Variants in WDR44 observed in about 807,000 individuals in gnomAD.
WDR44 encodes the protein WD repeat-containing protein 44.
A neutral mutation model predicts 65.7 loss-of-function variants in WDR44; 9 were observed. The ratio of observed to expected loss-of-function variants is 0.14; its 90% CI spans 0.08 to 0.24. The LOEUF (loss-of-function observed/expected upper bound fraction) is 0.24, where lower values mean the gene tolerates loss of function less well. WDR44 is among the 10% of genes least tolerant of loss of function. The probability of loss-of-function intolerance (pLI) is 1.00; values close to 1 mark genes in which losing one functional copy is unlikely to be tolerated. For missense variants in WDR44, 425 were observed against 670.9 expected, an observed-to-expected ratio of 0.63 and a Z score of 4.05; for synonymous variants, 220 against 235.2, an observed-to-expected ratio of 0.94 and a Z score of 0.59.
intron 19 of WDR44, among the ~76,000 whole-genome samples, chrX:118,447,875 A>AATATATATATAT (rs10570740): frequency 1.1e-3 from 58 of 54,771 alleles, no homozygotes; most frequent in African/African-American, 1.3e-3. Context: ...CTCTATCTAA[A>AATATATATATAT]ATATATATAT....
chrX:118,400,735 T>G (rs75820759), intron 8 of WDR44, among the ~76,000 whole-genome samples: 3 of 108,321 alleles, frequency 2.8e-5, no homozygotes, highest in African/African-American at 6.7e-5. Flanking sequence ...TAGTTACACA[T>G]GTATACATGT....
At chrX:118,432,633 A>G in intron 12 of WDR44, 148 bp from the exon 13 acceptor site, 1 of 510,454 alleles carries the variant, frequency 2.0e-6, no homozygotes, top group Non-Finnish European at 3.4e-6. Flanking sequence ...GGTGCTAAGT[A>G]GTAAATCAGC....
intron 12 of WDR44, among the ~76,000 whole-genome samples, chrX:118,427,141 CTG>C (rs1432497032): frequency 2.7e-5 from 3 of 111,316 alleles, no homozygotes; most frequent in African/African-American, 9.8e-5. Context: ...GAGTCTCCCT[CTG>C]TCACCCATGC....
chrX:118,424,337 A>ATGTG (rs1489974289), intron 12 of WDR44, among the ~76,000 whole-genome samples: 3 of 89,312 alleles, frequency 3.4e-5, no homozygotes, highest in Non-Finnish European at 4.0e-5. Context: ...ATATATATAT[A>ATGTG]TATATATATA....
At chrX:118,388,772 C>G (rs759475218) in intron 3 of WDR44, among the ~76,000 whole-genome samples, 10 of 111,518 alleles carry the variant, frequency 9.0e-5, no homozygotes, top group African/African-American at 2.6e-4. Context: ...CCTTCTGGTC[C>G]TCATCCATTA....
intron 12 of WDR44, among the ~76,000 whole-genome samples, chrX:118,431,164 A>G (rs2057207151): frequency 8.9e-6 from 1 of 111,913 alleles, no homozygotes; most frequent in South Asian, 3.8e-4. Context: ...ACCATCTTTT[A>G]CATTACTGCC....
At position 118,430,315 on chromosome X, in the gene WDR44, T is replaced by A. The variant is rs5956988; in HGVS notation, c.1738-2466T>A. On this transcript the variant is annotated intron_variant, in intron 12 of 19. Transcript: ENST00000254029. ...TCCCAGCACTTTGGGAGGCCGAGGC[T>A]GGTGGATCATGAGGTCAGGAGTTCA... Among the ~76,000 whole-genome samples the A allele has an allele frequency of 6.1e-5, 6 of 99,008 alleles. 1 individual carries two copies. The South Asian group carries it at 2.9e-3, about 47-fold the overall frequency. 86.0% of individuals were successfully genotyped at this position (99,008 alleles called of 115,157 possible).
intron 1 of WDR44, among the ~76,000 whole-genome samples, chrX:118,366,958 C>T (rs1031034790): frequency 2.7e-5 from 3 of 110,469 alleles, no homozygotes; most frequent in Non-Finnish European, 5.7e-5. Flanking sequence ...CAGTGGCGGG[C>T]GCCCGTAGTC....
At chrX:118,389,223 G>A (rs188868514) in intron 3 of WDR44, among the ~76,000 whole-genome samples, 12 of 112,179 alleles carry the variant, frequency 1.1e-4, no homozygotes, top group African/African-American at 3.9e-4. Context: ...TACCCTGGAC[G>A]AGGGCATACT....
rs377461821 is a variant in WDR44, at chrX:118,392,769, C to T, written c.324C>T (p.Pro108=). ...IVARTDLSNI[P]GLLAIDQVLP... ...CTAGAACAGATCTGAGCAATATACC[C>T]GGACTGTTAGCCATAGATCAAGTAC... is the stretch of plus-strand genomic sequence containing the variant. Residue 108 remains proline, a synonymous_variant, in exon 4 of 20, where the codon CCC becomes CCT. Coordinates refer to ENST00000254029, the MANE Select transcript of WDR44 (RefSeq NM_019045.5). The T allele has an allele frequency of 4.3e-5, 52 of 1,209,791 alleles. No individual in the cohort carries two copies. The highest frequency in any genetic ancestry group is 5.4e-5 in the Non-Finnish European group (48 of 895,247).
chrX:118,358,339 T>A (rs1000524952), intron 1 of WDR44, among the ~76,000 whole-genome samples: 5 of 112,042 alleles, frequency 4.5e-5, no homozygotes, highest in African/African-American at 1.6e-4. Context: ...TTTGACAAAC[T>A]TTTTTAACTC....
chrX:118,378,437 G>T lies in WDR44; in HGVS notation c.96G>T (p.Gly32=). The T allele has an allele frequency of 8.3e-7, 1 of 1,208,300 alleles. No individual in the cohort carries two copies. The highest frequency in any genetic ancestry group is 1.1e-6 in the Non-Finnish European group (1 of 893,246). ...GYPVGSPGKV[G]LSTFKETENT... is the part of the protein sequence containing the mutation. ...TGAACAGGTCTCCAGGAAAAGTTGGGCTTTCAACATTCAAGGTAAGTTGTG... is the reference window on the plus strand; with the variant it reads ...TGAACAGGTCTCCAGGAAAAGTTGGTCTTTCAACATTCAAGGTAAGTTGTG... The change falls in exon 2 of 20, where the codon GGG becomes GGT. Residue 32 remains glycine, a synonymous_variant. Coordinates refer to ENST00000254029, the MANE Select transcript of WDR44 (RefSeq NM_019045.5).
chrX:118,388,298 T>C (rs772488888), intron 3 of WDR44, among the ~76,000 whole-genome samples: 1 of 111,860 alleles, frequency 8.9e-6, no homozygotes, highest in East Asian at 2.8e-4. Flanking sequence ...TTTTTTTATT[T>C]GAGGCAGGGT....
intron 1 of WDR44, among the ~76,000 whole-genome samples, chrX:118,368,480 T>TATATATATATATATATATATAC (rs1487283299): frequency 1.0e-5 from 1 of 98,615 alleles, no homozygotes; most frequent in Non-Finnish European, 2.0e-5. Context: ...TATATATATA[T>TATATATATATATATATATATAC]ACTTCTTGAG....
Position 118,434,463 on chromosome X carries a change from C to T in WDR44, c.1851+1569C>T, listed in dbSNP as rs186046281. Among the ~76,000 whole-genome samples the T allele has an allele frequency of 6.3e-3, 703 of 111,604 alleles. 3 individuals are homozygous for T. The highest frequency in any genetic ancestry group is 0.01 in the Non-Finnish European group (553 of 53,055). ...TTTTGTATAATAATACAAAATGGGG[C>T]TTTTATTTTATATGACTTTTATTTT... is the stretch of plus-strand genomic sequence containing the variant. On this transcript the variant is annotated intron_variant, in intron 13 of 19. Coordinates refer to ENST00000254029, the MANE Select transcript of WDR44 (RefSeq NM_019045.5).
chrX:118,383,910 T>TG (rs1319637489), intron 2 of WDR44, among the ~76,000 whole-genome samples: 2 of 101,086 alleles, frequency 2.0e-5, no homozygotes, highest in Admixed American at 1.1e-4. Flanking sequence ...GACAGGGTCT[T>TG]GCTTTCTTCC....
At chrX:118,407,217 T>C (rs1010806548) in intron 10 of WDR44, among the ~76,000 whole-genome samples, 191 bp downstream of exon 10, 2 of 112,145 alleles carry the variant, frequency 1.8e-5, no homozygotes, top group Admixed American at 1.9e-4. Flanking sequence ...AAGTGACTTA[T>C]CGGCCAGGTG....
At chrX:118,356,803 T>A (rs1293482585) in intron 1 of WDR44, among the ~76,000 whole-genome samples, 1 of 108,369 alleles carries the variant, frequency 9.2e-6, no homozygotes, top group Non-Finnish European at 1.9e-5. Flanking sequence ...AATTGAAGAT[T>A]TTTGTAGAAT....
In WDR44 at chrX:118,395,147, A is replaced by T. The variant is rs369804549; in HGVS notation, c.958-102A>T. Reference sequence around the variant, plus strand: ...TCCATTTAGATTTTCAGCAGACTCCATTATCTGAATTATGAAATTCTTTAG... The same window carrying T: ...TCCATTTAGATTTTCAGCAGACTCCTTTATCTGAATTATGAAATTCTTTAG... On this transcript the variant is annotated intron_variant, in intron 5 of 19. Coordinates refer to ENST00000254029, the MANE Select transcript of WDR44 (RefSeq NM_019045.5). The T allele has an allele frequency of 1.2e-5, 9 of 746,943 alleles. No individual in the cohort carries two copies. The East Asian group carries it at 3.2e-4, about 27-fold the overall frequency. The allele number at this position is 746,943 out of a possible 1,213,427, so 61.6% of individuals were successfully genotyped here.
Sources: allele counts gnomAD v4.1 joint callset (sites outside exome capture counted in the v4.1 genomes callset), GRCh38; gene constraint gnomAD v4.1.1; transcripts MANE v1.5; gene names NCBI Gene and HGNC (gene_info 2026-07-23, HGNC 2026-07-21).